NLGN1: variants seen among roughly 807,000 people sequenced by gnomAD.
NLGN1 encodes neuroligin 1.
In NLGN1, 12 loss-of-function variants were observed where a neutral mutation model predicts 65.5. That is an observed-to-expected ratio of 0.18 (90% confidence interval 0.12 to 0.30). The LOEUF is 0.30. Among genes scored for constraint, NLGN1 ranks in the 10% least tolerant of loss-of-function variants. The pLI is 1.00. For missense variants in NLGN1, 750 were observed against 1,007.1 expected (o/e 0.74, Z 3.46); for synonymous variants, 350 against 359.5 (o/e 0.97, Z 0.30).
At chr3:173,419,440 T>C (rs1714554379) in intron 1 of NLGN1, among the ~76,000 whole-genome samples, 2 of 151,988 alleles carry the variant, frequency 1.3e-5, no homozygotes, top group Admixed American at 6.6e-5. Context: ...GAATTTGGAA[T>C]GTTTCTGGTC....
chr3:173,521,680 G>A lies in NLGN1; in HGVS notation c.-320-82599G>A, dbSNP rs144216824. Among the ~76,000 whole-genome samples the A allele has an allele frequency of 4.7e-3, 714 of 152,208 alleles. 7 individuals carry two copies. Among genetic ancestry groups the A allele is most frequent in the African/African-American group, 0.016 (672 of 41,532 alleles). On this transcript the variant is annotated intron_variant, in intron 2 of 6. Coordinates refer to ENST00000457714, the Ensembl canonical transcript of NLGN1. The stretch of plus-strand genomic sequence containing the variant: ...CTCCCAGGCTGATTAGGAGCTCTGA[G>A]CCTAGTAATAATAATAATGAAAATA...
chr3:173,412,375 G>A (rs949257444), intron 1 of NLGN1, among the ~76,000 whole-genome samples: 9 of 151,628 alleles, frequency 5.9e-5, no homozygotes, highest in Non-Finnish European at 1.2e-4. Context: ...AGGTGATTTT[G>A]CTGTAGAGCA....
intron 4 of NLGN1, among the ~76,000 whole-genome samples, chr3:174,221,847 C>T (rs539156479): frequency 6.6e-6 from 1 of 152,130 alleles, no homozygotes; most frequent in Non-Finnish European, 1.5e-5. Flanking sequence ...TCATTCCAAT[C>T]TCTTCCTCCA....
intron 3 of NLGN1, chr3:173,724,422 T>A (rs543902891): frequency 5.6e-6 from 1 of 178,754 alleles, no homozygotes; most frequent in South Asian, 9.8e-5. Flanking sequence ...ATTACAGGCA[T>A]GCACCACCAT....
At chr3:174,076,779 G>A (rs1200208838) in intron 4 of NLGN1, among the ~76,000 whole-genome samples, 5 of 151,212 alleles carry the variant, frequency 3.3e-5, no homozygotes, top group Admixed American at 1.3e-4. Flanking sequence ...TCACATGTGT[G>A]TATGTACATA....
intron 4 of NLGN1, among the ~76,000 whole-genome samples, chr3:174,191,299 G>A (rs187859654): frequency 6.6e-6 from 1 of 152,202 alleles, no homozygotes; most frequent in East Asian, 1.9e-4. Context: ...GAAAGTAGCA[G>A]TTAATGTCAC....
intron 2 of NLGN1, among the ~76,000 whole-genome samples, chr3:173,583,124 A>T (rs1317114158): frequency 6.6e-6 from 1 of 152,090 alleles, no homozygotes; most frequent in Non-Finnish European, 1.5e-5. Context: ...TGCCTCAGTT[A>T]CTGTTATTTT....
At chr3:173,952,674 T>A (rs1433313539) in intron 4 of NLGN1, among the ~76,000 whole-genome samples, 2 of 152,214 alleles carry the variant, frequency 1.3e-5, no homozygotes, top group African/African-American at 4.8e-5. Context: ...ATTACAGAGA[T>A]CCCATATGTT....
chr3:173,429,356 T>G (rs192356843), intron 1 of NLGN1, among the ~76,000 whole-genome samples: 1 of 152,318 alleles, frequency 6.6e-6, no homozygotes, highest in African/African-American at 2.4e-5. Flanking sequence ...TATTTTATTC[T>G]TTTTGTTAAA....
chr3:173,667,786 C>T lies in NLGN1; in HGVS notation c.493+62695C>T, dbSNP rs769237805. On this transcript the variant is annotated intron_variant, in intron 3 of 6. Transcript: ENST00000457714. ...CTGGGACTACAGGTGTGCACCACCACGCCTGGCTCACTTTTGTATGTTTTT... is the reference window on the plus strand; with the variant it reads ...CTGGGACTACAGGTGTGCACCACCATGCCTGGCTCACTTTTGTATGTTTTT... 7.2e-5 allele frequency among the ~76,000 whole-genome samples: 11 copies of T among 152,060 alleles called. No individual in the cohort carries two copies. In the South Asian group the frequency reaches 8.3e-4, roughly 11 times the overall value.
chr3:173,737,156 A>G (rs1773901900), intron 3 of NLGN1, among the ~76,000 whole-genome samples: 1 of 151,988 alleles, frequency 6.6e-6, no homozygotes, highest in African/African-American at 2.4e-5. Context: ...TAGAGTGAAC[A>G]TGTGTCACTT....
intron 4 of NLGN1, among the ~76,000 whole-genome samples, chr3:173,977,342 G>A (rs1259479633): frequency 2.6e-5 from 4 of 151,986 alleles, no homozygotes; most frequent in African/African-American, 9.6e-5. Flanking sequence ...TGGGGGAAGG[G>A]CACGTGCATA....
intron 1 of NLGN1, among the ~76,000 whole-genome samples, chr3:173,405,594 C>T (rs146744213): frequency 5.6e-4 from 85 of 152,106 alleles, no homozygotes; most frequent in African/African-American, 1.9e-3. Flanking sequence ...ATAAGAGAAA[C>T]TATTGCATAA....
At position 174,280,577 on chromosome 3, in the gene NLGN1, C is replaced by T. The variant is rs1751374527; in HGVS notation, c.1746C>T (p.Asp582=). 1 of 1,613,086 alleles carries T rather than the reference C, an allele frequency of 6.2e-7. No individual in the cohort carries two copies. The highest frequency in any genetic ancestry group is 8.5e-7 in the Non-Finnish European group (1 of 1,179,504). The change falls in exon 7 of 7, where the codon GAC becomes GAT. Residue 582 remains aspartate, a synonymous_variant. Transcript: ENST00000457714. This position sits in a 1 kb window ranked among gnomAD's most constrained non-coding sequence, Gnocchi z 4.9. ...CATGGACCAGATATTCCCAGAAAGA[C>T]CAACTTTATCTCCATATTGGATTAA...
At chr3:173,761,911 A>G (rs1214208803) in intron 3 of NLGN1, among the ~76,000 whole-genome samples, 1 of 152,130 alleles carries the variant, frequency 6.6e-6, no homozygotes, top group African/African-American at 2.4e-5. Context: ...CTTCAGTTAC[A>G]TTTTGGGAAT....
intron 3 of NLGN1, among the ~76,000 whole-genome samples, chr3:173,770,448 A>G (rs1779410086): frequency 6.6e-6 from 1 of 152,216 alleles, no homozygotes; most frequent in African/African-American, 2.4e-5. Flanking sequence ...TAAAAGTTTT[A>G]TAAGTTAAAG....
chr3:174,218,321 T>G (rs1738018906), intron 4 of NLGN1, among the ~76,000 whole-genome samples: 1 of 151,996 alleles, frequency 6.6e-6, no homozygotes, highest in African/African-American at 2.4e-5. Flanking sequence ...TACAATTTTT[T>G]TTTTCCAGTA....
At chr3:173,503,411 T>A (rs1731482355) in intron 2 of NLGN1, among the ~76,000 whole-genome samples, 1 of 152,074 alleles carries the variant, frequency 6.6e-6, no homozygotes, top group South Asian at 2.1e-4. Flanking sequence ...CATGACCCTC[T>A]TCTGGGCTTC....
In NLGN1 at chr3:173,556,811, G is replaced by GA. The variant is rs202130299; in HGVS notation, c.-320-47468_-320-47467insA. On this transcript the variant is annotated intron_variant, in intron 2 of 6. Transcript: ENST00000457714. ...AGAGCGAGGACCTGTCTCAAAAAAA[G>GA]GAAAAATTGCTGTTGATTTCTAAGT... 2.0e-5 allele frequency among the ~76,000 whole-genome samples: 3 copies of GA among 151,330 alleles called. No homozygotes were observed. In the East Asian group the frequency reaches 5.8e-4, roughly 29 times the overall value.
Sources: allele counts gnomAD v4.1 joint callset (sites outside exome capture counted in the v4.1 genomes callset), GRCh38; gene constraint gnomAD v4.1.1; non-coding constraint Gnocchi (gnomAD v3.1); transcripts MANE v1.5; gene names NCBI Gene and HGNC (gene_info 2026-07-23, HGNC 2026-07-21).